RPS4Y1: variants seen among roughly 807,000 people sequenced by gnomAD.
RPS4Y1 encodes ribosomal protein S4 Y-linked 1.
For missense variants in RPS4Y1, 30 were observed against 60.9 expected, an observed-to-expected ratio of 0.49 and a Z score of 1.69; for synonymous variants, 23 against 20.8, an observed-to-expected ratio of 1.10 and a Z score of -0.28.
intron 4 of RPS4Y1, 114 bp downstream of exon 4, chrY:2,845,857 TTGTC>T (rs2051152657): frequency 1.1e-4 from 17 of 153,950 alleles, no homozygotes; most frequent in African/African-American, 4.4e-4. Context: ...CTCTACTTGT[TTGTC>T]TGGTTGTTTA....
chrY:2,850,110 G>T (rs2051155239), intron 4 of RPS4Y1, among the ~76,000 whole-genome samples: 1 of 34,180 alleles, frequency 2.9e-5, no homozygotes, highest in Admixed American at 2.6e-4. Context: ...TTAAAGGACC[G>T]ACACGCATCG....
intron 5 of RPS4Y1, among the ~76,000 whole-genome samples, chrY:2,859,104 T>G: frequency 3.0e-5 from 1 of 33,875 alleles, no homozygotes; most frequent in Non-Finnish European, 7.3e-5. Flanking sequence ...GCTTACTATT[T>G]GCCTGGAACA....
chrY:2,843,859 G>C, intron 2 of RPS4Y1, among the ~76,000 whole-genome samples: 1 of 32,681 alleles, frequency 3.1e-5, no homozygotes. Flanking sequence ...TTTGGGGAAG[G>C]AAGGGGCACA....
intron 5 of RPS4Y1, among the ~76,000 whole-genome samples, chrY:2,854,984 A>G (rs2051159046): frequency 6.0e-5 from 2 of 33,349 alleles, no homozygotes; most frequent in Non-Finnish European, 1.5e-4. Flanking sequence ...CCTTTGGGCT[A>G]TCTCCAGTAG....
intron 5 of RPS4Y1, among the ~76,000 whole-genome samples, chrY:2,863,301 G>A: frequency 1.2e-4 from 4 of 33,620 alleles, no homozygotes; most frequent in African/African-American, 4.7e-4. Flanking sequence ...AACAAGTGAA[G>A]TGAAGGAACT....
intron 2 of RPS4Y1, 73 bp from the exon 3 acceptor site, chrY:2,844,004 C>G: frequency 1.2e-4 from 37 of 319,176 alleles, no homozygotes; most frequent in Non-Finnish European, 3.7e-5. Flanking sequence ...AACTAAAGTA[C>G]GTCATCTGCT....
At chrY:2,850,741 C>T in intron 4 of RPS4Y1, among the ~76,000 whole-genome samples, 3 of 32,954 alleles carry the variant, frequency 9.1e-5, no homozygotes, top group Non-Finnish European at 7.5e-5. Context: ...TTCAGCAGGC[C>T]GTGATGCAAA....
intron 5 of RPS4Y1, among the ~76,000 whole-genome samples, chrY:2,864,538 A>G (rs2051165770): frequency 3.0e-5 from 1 of 33,444 alleles, no homozygotes; most frequent in Non-Finnish European, 7.4e-5. Context: ...CCTAGATAGT[A>G]TACTTATATT....
chrY:2,854,869 T>C (rs2051158964), intron 5 of RPS4Y1, 98 bp downstream of exon 5: 1 of 192,025 alleles, frequency 5.2e-6, no homozygotes, highest in South Asian at 4.7e-5. Context: ...ACACCCATTA[T>C]GATTAGAGAG....
chrY:2,842,662 A>C, intron 2 of RPS4Y1, among the ~76,000 whole-genome samples: 1 of 33,142 alleles, frequency 3.0e-5, no homozygotes, highest in East Asian at 7.9e-4. Context: ...CTGGTTTAAT[A>C]GTAAAGGCTA....
At chrY:2,862,079 A>T (rs2051164047) in intron 5 of RPS4Y1, among the ~76,000 whole-genome samples, 3 of 25,816 alleles carry the variant, frequency 1.2e-4, no homozygotes, top group Non-Finnish European at 2.7e-4. Context: ...CCAAGACAAG[A>T]GTCTTGCTTT....
chrY:2,842,097 A>G, intron 1 of RPS4Y1, 68 bp from the exon 2 acceptor site: 5 of 344,546 alleles, frequency 1.5e-5, no homozygotes, highest in Middle Eastern at 1.3e-3. Context: ...AGCAGTTCCT[A>G]CAGCTGAAGA....
intron 3 of RPS4Y1, 84 bp downstream of exon 3, chrY:2,844,341 A>T: frequency 4.3e-6 from 1 of 232,977 alleles, no homozygotes; most frequent in Non-Finnish European, 7.3e-6. Flanking sequence ...GTTGCCAGTG[A>T]TAAAACTGGA....
intron 4 of RPS4Y1, among the ~76,000 whole-genome samples, chrY:2,848,946 C>A: frequency 3.2e-5 from 1 of 31,143 alleles, no homozygotes; most frequent in Non-Finnish European, 7.7e-5. Context: ...GGTCTCTGGC[C>A]CCCTCCCAAC....
chrY:2,845,301 G>A (rs779653047), intron 3 of RPS4Y1, among the ~76,000 whole-genome samples: 1 of 32,841 alleles, frequency 3.0e-5, no homozygotes, highest in East Asian at 8.0e-4. Flanking sequence ...TGTGAGGTCT[G>A]CTTGTTCATT....
intron 4 of RPS4Y1, 123 bp from the exon 5 acceptor site, chrY:2,854,477 A>G: frequency 5.4e-6 from 1 of 185,623 alleles, no homozygotes; most frequent in African/African-American, 8.4e-5. Context: ...AGTTTTTCCC[A>G]AGAGCACTCC....
chrY:2,843,347 C>G (rs2051150519), intron 2 of RPS4Y1, among the ~76,000 whole-genome samples: 1 of 33,348 alleles, frequency 3.0e-5, no homozygotes, highest in Non-Finnish European at 7.4e-5. Context: ...TTAATGATCG[C>G]GAGTCCGTTT....
chrY:2,851,134 C>T, intron 4 of RPS4Y1, among the ~76,000 whole-genome samples: 5 of 33,005 alleles, frequency 1.5e-4, no homozygotes, highest in African/African-American at 4.8e-4. Context: ...TGAGCCACCG[C>T]GCCCGGCCCA....
Position 2,841,637 on chromosome Y carries a change from A to G in RPS4Y1, c.3+10A>G. 1 of 392,969 alleles carries G rather than the reference A, an allele frequency of 2.5e-6. No homozygotes were observed. Among genetic ancestry groups the G allele is most frequent in the Non-Finnish European group, 3.6e-6 (1 of 278,233 alleles). On this transcript the variant is annotated intron_variant, in intron 1 of 6. Coordinates refer to ENST00000250784, the MANE Select transcript of RPS4Y1 (RefSeq NM_001008.4). ...GCAGAGTTTCGCCATGGTAAGACCG[A>G]TAGTTCCTAACTCCTAGTATATCTG...
Sources: gnomAD v4.1 joint callset for allele counts (sites outside exome capture counted in the v4.1 genomes callset) on GRCh38, gnomAD v4.1.1 for gene constraint, MANE v1.5 for transcripts, NCBI Gene and HGNC (gene_info 2026-07-23, HGNC 2026-07-21) for gene names.